ALKBH8: variants seen among roughly 807,000 people sequenced by gnomAD.
ALKBH8 encodes the protein alkB homolog 8, tRNA methyltransferase.
ALKBH8 carries 36 observed loss-of-function variants against 59.8 expected under a neutral mutation model. That is an observed-to-expected ratio of 0.60 (90% CI 0.46 to 0.79). The LOEUF (loss-of-function observed/expected upper bound fraction) is 0.79, where lower values mean the gene tolerates loss of function less well. ALKBH8 is among the 30% of genes least tolerant of loss of function. ALKBH8 has a pLI of 0.00. For missense variants in ALKBH8, 768 were observed against 801.0 expected (o/e 0.96, Z 0.50); for synonymous variants, 276 against 273.6 (o/e 1.01, Z -0.09).
At chr11:107,554,043 G>C (rs1355732479) in intron 3 of ALKBH8, 65 bp from the exon 4 acceptor site, 2 of 1,570,158 alleles carry the variant, frequency 1.3e-6, no homozygotes, top group Non-Finnish European at 1.7e-6. Flanking sequence ...AAATAATTCT[G>C]CCCAATAACT....
intron 7 of ALKBH8, 104 bp downstream of exon 7, chr11:107,549,649 T>C (rs1864411958): frequency 1.2e-6 from 1 of 865,462 alleles, no homozygotes; most frequent in South Asian, 3.3e-5. Context: ...TTATTTTTCA[T>C]TTTTAAATCT....
intron 7 of ALKBH8, among the ~76,000 whole-genome samples, chr11:107,547,692 A>C (rs1864322673): frequency 6.6e-6 from 1 of 152,202 alleles, no homozygotes; most frequent in Non-Finnish European, 1.5e-5. Context: ...AGTAATCATA[A>C]AAATAAACTT....
intron 1 of ALKBH8, chr11:107,565,331 C>T: frequency 1.8e-6 from 1 of 558,026 alleles, no homozygotes; most frequent in South Asian, 2.2e-5. Flanking sequence ...TGCAACCGTC[C>T]TCTCCAACCC....
intron 8 of ALKBH8, among the ~76,000 whole-genome samples, chr11:107,530,607 AC>A (rs372835541): frequency 0.23 from 5,648 of 24,038 alleles, 181 homozygotes; most frequent in Non-Finnish European, 0.34. Flanking sequence ...CCTAACACAC[AC>A]ACACACACAC....
chr11:107,529,449 T>C (rs1172284532), intron 8 of ALKBH8, among the ~76,000 whole-genome samples: 3 of 152,072 alleles, frequency 2.0e-5, no homozygotes, highest in African/African-American at 2.4e-5. Flanking sequence ...AAAAGCAGAG[T>C]GCTCTGTGCC....
intron 3 of ALKBH8, among the ~76,000 whole-genome samples, chr11:107,554,229 T>C (rs1051236742): frequency 2.7e-4 from 41 of 152,314 alleles, no homozygotes; most frequent in Middle Eastern, 3.4e-3. Flanking sequence ...GGTGTGAACA[T>C]GATGAAGTCA....
At chr11:107,520,601 A>G (rs1341026823) in intron 10 of ALKBH8, among the ~76,000 whole-genome samples, 1 of 152,180 alleles carries the variant, frequency 6.6e-6, no homozygotes, top group Non-Finnish European at 1.5e-5. Flanking sequence ...AGAAAATATC[A>G]CCTTGTTTTG....
intron 10 of ALKBH8, among the ~76,000 whole-genome samples, chr11:107,520,327 C>T (rs1255823784): frequency 1.3e-5 from 2 of 152,180 alleles, no homozygotes; most frequent in Non-Finnish European, 2.9e-5. Context: ...AGTGAGTGTA[C>T]TTATGATTTT....
chr11:107,522,534 C>T lies in ALKBH8; in HGVS notation c.1052G>A (p.Ser351Asn). The change falls in exon 10 of 12, where the codon AGC becomes AAC. Residue 351 changes from serine (S) to asparagine (N), a missense_variant. By Grantham distance (46) the Ser-to-Asn change is conservative. Transcript: ENST00000428149. The stretch of plus-strand genomic sequence containing the variant: ...TGAGGGGGGAGTCTCTTTCCTCTGG[C>T]TATCACAGACCAACGGGTAACCTTA... Reference protein sequence around the residue: ...CNCSYPLVCDSQRKETPPSFP... With the variant: ...CNCSYPLVCDNQRKETPPSFP... The T allele has an allele frequency of 6.4e-7, 1 of 1,551,498 alleles. No individual in the cohort carries two copies. The highest frequency in any genetic ancestry group is 8.7e-7 in the Non-Finnish European group (1 of 1,146,924).
At chr11:107,541,307 C>T (rs1203424256) in intron 7 of ALKBH8, among the ~76,000 whole-genome samples, 1 of 152,120 alleles carries the variant, frequency 6.6e-6, no homozygotes, top group Non-Finnish European at 1.5e-5. Flanking sequence ...ATGTCAACTT[C>T]AATTTAAGAC....
At position 107,504,885 on chromosome 11, in the gene ALKBH8, G is replaced by C; in HGVS notation, c.1768C>G (p.Gln590Glu). Residue 590 changes from glutamine to glutamate, a missense_variant, in exon 12 of 12, where the codon CAA becomes GAA. Transcript: ENST00000428149. ...VHVNRTSFYS[Q>E]DVLVPWHLKG... ...AGGTGCCAGGGAACCAGTACATCTTGAGAATAAAAAGAAGTCCTGTTAACA... is the reference window on the plus strand; with the variant it reads ...AGGTGCCAGGGAACCAGTACATCTTCAGAATAAAAAGAAGTCCTGTTAACA... 6.4e-7 allele frequency: 1 copy of C among 1,551,784 alleles called. No homozygotes were observed. Among genetic ancestry groups the C allele is most frequent in the African/African-American group, 1.4e-5 (1 of 73,136 alleles).
intron 3 of ALKBH8, 112 bp from the exon 4 acceptor site, chr11:107,554,090 G>T: frequency 7.4e-7 from 1 of 1,358,666 alleles, no homozygotes. Context: ...CCTCATTTTC[G>T]GAAACAAGAT....
At chr11:107,557,738 G>C (rs919511370) in intron 2 of ALKBH8, among the ~76,000 whole-genome samples, 1 of 152,152 alleles carries the variant, frequency 6.6e-6, no homozygotes, top group Non-Finnish European at 1.5e-5. Flanking sequence ...ACTTCCTGCT[G>C]TTTGCATAGT....
At chr11:107,513,101 GA>G (rs567668738) in intron 10 of ALKBH8, among the ~76,000 whole-genome samples, 70 of 152,274 alleles carry the variant, frequency 4.6e-4, no homozygotes, top group African/African-American at 1.6e-3. Flanking sequence ...ACTATCAACA[GA>G]GTGAACAGAC....
chr11:107,535,100 G>A (rs1233577457), intron 7 of ALKBH8, among the ~76,000 whole-genome samples: 1 of 152,050 alleles, frequency 6.6e-6, no homozygotes. Flanking sequence ...CCTTTTTATG[G>A]CTGAGTAGTA....
At chr11:107,510,150 C>CTGATTTGTTT (rs895695502) in intron 11 of ALKBH8, among the ~76,000 whole-genome samples, 1 of 152,070 alleles carries the variant, frequency 6.6e-6, no homozygotes, top group African/African-American at 2.4e-5. Context: ...AGACAGTTTT[C>CTGATTTGTTT]TGATTTGTTT....
chr11:107,560,045 A>G (rs1333809806), intron 2 of ALKBH8, among the ~76,000 whole-genome samples: 1 of 152,192 alleles, frequency 6.6e-6, no homozygotes, highest in East Asian at 1.9e-4. Flanking sequence ...ATTCTCTGGA[A>G]TCTAACAATC....
At chr11:107,539,008 G>A (rs1025858950) in intron 7 of ALKBH8, among the ~76,000 whole-genome samples, 1 of 152,198 alleles carries the variant, frequency 6.6e-6, no homozygotes, top group Non-Finnish European at 1.5e-5. Flanking sequence ...GTTTCCCACA[G>A]TCTACCAAAC....
chr11:107,510,858 T>C lies in ALKBH8; in HGVS notation c.1437+29A>G, dbSNP rs1429658454. 26 of 1,547,658 alleles carry C rather than the reference T, an allele frequency of 1.7e-5. No homozygotes were observed. In the South Asian group the frequency reaches 3.0e-4, roughly 18 times the overall value. On this transcript the variant is annotated intron_variant, in intron 11 of 11. Coordinates refer to ENST00000428149, the MANE Select transcript of ALKBH8 (RefSeq NM_138775.3). ...CTCTTCCTGCTGCTTTAGCTACAAGTTCTTAAGAGAAAGAAAGACCATACT... is the reference window on the plus strand; with the variant it reads ...CTCTTCCTGCTGCTTTAGCTACAAGCTCTTAAGAGAAAGAAAGACCATACT...
Sources: gnomAD v4.1 joint callset for allele counts (sites outside exome capture counted in the v4.1 genomes callset) on GRCh38, gnomAD v4.1.1 for gene constraint, MANE v1.5 for transcripts, NCBI Gene and HGNC (gene_info 2026-07-23, HGNC 2026-07-21) for gene names.